FAM3C: variants seen among roughly 807,000 people sequenced by gnomAD.
FAM3C encodes FAM3 metabolism regulating signaling molecule C.
Under a neutral mutation model 32.5 loss-of-function variants are expected in FAM3C, and 15 were observed. The observed-to-expected ratio is 0.46, with a 90% CI of 0.31 to 0.71. The LOEUF is 0.71. Ranked by LOEUF, FAM3C falls within the 30% of genes least tolerant of loss-of-function variation. FAM3C has a pLI of 0.05. For missense variants in FAM3C, 175 were observed against 274.4 expected, an observed-to-expected ratio of 0.64 and a Z score of 2.56; for synonymous variants, 75 against 86.1, an observed-to-expected ratio of 0.87 and a Z score of 0.72.
chr7:121,368,392 GGTGCT>G (rs978416878), intron 5 of FAM3C, among the ~76,000 whole-genome samples: 2 of 152,128 alleles, frequency 1.3e-5, no homozygotes, highest in African/African-American at 4.8e-5. Context: ...ACTCAGAGCA[GGTGCT>G]GTGAAAAGAC....
chr7:121,385,796 A>T (rs544003442), intron 1 of FAM3C, among the ~76,000 whole-genome samples: 1 of 152,328 alleles, frequency 6.6e-6, no homozygotes, highest in African/African-American at 2.4e-5. Context: ...TTGCCAGTTA[A>T]CATAAACCAA....
intron 2 of FAM3C, among the ~76,000 whole-genome samples, chr7:121,379,258 G>C (rs1451250720): frequency 6.6e-6 from 1 of 152,024 alleles, no homozygotes; most frequent in Non-Finnish European, 1.5e-5. Flanking sequence ...CATCTGCCTA[G>C]TTTTATATGC....
rs1794376469 is a variant in FAM3C at position 121,382,461 on chromosome 7, T to C, written c.13+496A>G. On this transcript the variant is annotated intron_variant, in intron 2 of 9. Coordinates refer to ENST00000359943, the MANE Select transcript of FAM3C (RefSeq NM_014888.3). ...TTTAAAACTTTATAACTCATTTTTCTCAAGACGCTAGAACATAGCAAAAAC... is the reference window on the plus strand; with the variant it reads ...TTTAAAACTTTATAACTCATTTTTCCCAAGACGCTAGAACATAGCAAAAAC... Among the ~76,000 whole-genome samples the C allele has an allele frequency of 3.9e-5, 6 of 151,972 alleles. No individual in the cohort carries two copies. In the South Asian group the frequency reaches 1.2e-3, roughly 32 times the overall value.
intron 5 of FAM3C, among the ~76,000 whole-genome samples, chr7:121,369,193 C>T (rs1303352588): frequency 6.6e-6 from 1 of 152,008 alleles, no homozygotes; most frequent in Non-Finnish European, 1.5e-5. Flanking sequence ...GTTGGCCAGG[C>T]TGGTCTCAGA....
In FAM3C at chr7:121,395,753, G is replaced by A. The variant is rs150074782; in HGVS notation, c.-42+409C>T. Among the ~76,000 whole-genome samples, 974 of 152,226 alleles carry A rather than the reference G, an allele frequency of 6.4e-3. 11 individuals are homozygous for A. The highest frequency in any genetic ancestry group is 0.021 in the African/African-American group (878 of 41,554). On this transcript the variant is annotated intron_variant, in intron 1 of 9. Coordinates refer to ENST00000359943, the MANE Select transcript of FAM3C (RefSeq NM_014888.3). ...AAACGGCCCCCTATGGAGTTGGAAT[G>A]CAACACCCAACTCCGTCCCCACCTC...
At chr7:121,389,356 A>G in intron 1 of FAM3C, among the ~76,000 whole-genome samples, 1 of 152,152 alleles carries the variant, frequency 6.6e-6, no homozygotes, top group Non-Finnish European at 1.5e-5. Flanking sequence ...AAAACACTTC[A>G]AGGAGCTAAA....
At chr7:121,362,188 A>G (rs1330483264) in intron 7 of FAM3C, among the ~76,000 whole-genome samples, 1 of 152,142 alleles carries the variant, frequency 6.6e-6, no homozygotes, top group Non-Finnish European at 1.5e-5. Flanking sequence ...AAACTGGAGG[A>G]AAAAAACCCA....
At chr7:121,364,375 A>G (rs919532571) in intron 5 of FAM3C, 187 bp from the exon 6 acceptor site, 9 of 487,584 alleles carry the variant, frequency 1.8e-5, no homozygotes, top group Admixed American at 3.9e-5. Flanking sequence ...ATTTTAAAGC[A>G]ATGTCCTTAA....
chr7:121,386,770 A>G (rs759419668), intron 1 of FAM3C, among the ~76,000 whole-genome samples: 2 of 151,624 alleles, frequency 1.3e-5, no homozygotes, highest in Non-Finnish European at 2.9e-5. Context: ...TCAAGAACAG[A>G]ATGTAAAAAA....
chr7:121,368,583 A>G (rs1001275943), intron 5 of FAM3C, among the ~76,000 whole-genome samples: 5 of 152,146 alleles, frequency 3.3e-5, no homozygotes, highest in Admixed American at 2.6e-4. Flanking sequence ...CAGCAACCAG[A>G]TAACTTTTTT....
chr7:121,361,719 A>G (rs1033824370), intron 7 of FAM3C, among the ~76,000 whole-genome samples: 2 of 152,220 alleles, frequency 1.3e-5, no homozygotes, highest in Non-Finnish European at 2.9e-5. Flanking sequence ...TCTGTCGCCC[A>G]GGCTGGAGTG....
chr7:121,395,135 T>A (rs1455140473), intron 1 of FAM3C, among the ~76,000 whole-genome samples: 2 of 152,110 alleles, frequency 1.3e-5, no homozygotes, highest in Non-Finnish European at 2.9e-5. Context: ...AGCAATCTAA[T>A]ATTATTTATG....
chr7:121,357,930 G>A (rs1169833314), intron 8 of FAM3C, among the ~76,000 whole-genome samples: 1 of 152,070 alleles, frequency 6.6e-6, no homozygotes, highest in Admixed American at 6.6e-5. Flanking sequence ...GTGAAAAACG[G>A]AGGTCATGTT....
At chr7:121,366,331 T>A (rs565606537) in intron 5 of FAM3C, among the ~76,000 whole-genome samples, 1 of 152,146 alleles carries the variant, frequency 6.6e-6, no homozygotes, top group Non-Finnish European at 1.5e-5. Context: ...ATGTGGTATA[T>A]CCATACAATG....
At chr7:121,355,528 G>A (rs1255929628) in intron 8 of FAM3C, among the ~76,000 whole-genome samples, 1 of 152,176 alleles carries the variant, frequency 6.6e-6, no homozygotes, top group African/African-American at 2.4e-5. Context: ...TAGTGGGAAG[G>A]AGAGGGAAAT....
At chr7:121,373,889 G>A (rs895786846) in intron 3 of FAM3C, among the ~76,000 whole-genome samples, 2 of 151,520 alleles carry the variant, frequency 1.3e-5, no homozygotes, top group African/African-American at 4.9e-5. Context: ...TTAGCCGGGC[G>A]TGGTGGTGGG....
In FAM3C at chr7:121,387,502, T is replaced by C. The variant is rs1350876079; in HGVS notation, c.-41-4492A>G. Among the ~76,000 whole-genome samples, 4 of 152,102 alleles carry C rather than the reference T, an allele frequency of 2.6e-5. No individual in the cohort carries two copies. The East Asian group carries it at 5.8e-4, about 22-fold the overall frequency. Reference sequence around the variant, plus strand: ...CACACGTGTTCATCAAACATTTTCATAATCTGCTCTCCACAGAAAGAAGCA... The same window carrying C: ...CACACGTGTTCATCAAACATTTTCACAATCTGCTCTCCACAGAAAGAAGCA... On this transcript the variant is annotated intron_variant, in intron 1 of 9. Coordinates refer to ENST00000359943, the MANE Select transcript of FAM3C (RefSeq NM_014888.3).
chr7:121,388,706 ATTTTC>A (rs1196443904), intron 1 of FAM3C, among the ~76,000 whole-genome samples: 1 of 152,128 alleles, frequency 6.6e-6, no homozygotes, highest in East Asian at 1.9e-4. Flanking sequence ...GGCTTTTCTT[ATTTTC>A]TTAAGTAGCA....
chr7:121,381,144 C>G (rs1354337571), intron 2 of FAM3C, among the ~76,000 whole-genome samples: 1 of 152,128 alleles, frequency 6.6e-6, no homozygotes, highest in African/African-American at 2.4e-5. Context: ...ACATACCAAC[C>G]ACAATTCCCA....
Sources: allele counts gnomAD v4.1 joint callset (sites outside exome capture counted in the v4.1 genomes callset), GRCh38; gene constraint gnomAD v4.1.1; transcripts MANE v1.5; gene names NCBI Gene and HGNC (gene_info 2026-07-23, HGNC 2026-07-21).